UNKL: variants seen among roughly 807,000 people sequenced by gnomAD.
UNKL encodes the protein putative E3 ubiquitin-protein ligase UNKL.
In UNKL, 60 loss-of-function variants were observed where a neutral mutation model predicts 78.0. The ratio of observed to expected loss-of-function variants is 0.77; its 90% CI spans 0.63 to 0.95. UNKL has a LOEUF of 0.95. Among genes scored for constraint, UNKL ranks in the 40% least tolerant of loss-of-function variants. The probability of loss-of-function intolerance (pLI) is 0.00; values close to 1 mark genes in which losing one functional copy is unlikely to be tolerated. For missense variants in UNKL, 1,159 were observed against 1,045.7 expected (o/e 1.11, Z -1.49); for synonymous variants, 608 against 474.8 (o/e 1.28, Z -3.65).
At chr16:1,385,688 T>C (rs1412110700) in intron 9 of UNKL, among the ~76,000 whole-genome samples, 2 of 152,220 alleles carry the variant, frequency 1.3e-5, no homozygotes, top group African/African-American at 4.8e-5. Flanking sequence ...ATCTGGCACG[T>C]GCAGAAAGAT....
At chr16:1,410,634 G>C (rs1435980474) in intron 2 of UNKL, among the ~76,000 whole-genome samples, 1 of 152,168 alleles carries the variant, frequency 6.6e-6, no homozygotes. Context: ...CTGGAGTGGG[G>C]TCAGACAGGC....
rs1173647505 is a variant in UNKL at position 1,403,602 on chromosome 16, C to T, written c.288-258G>A. On this transcript the variant is annotated intron_variant, in intron 2 of 14. Coordinates refer to ENST00000389221, the MANE Select transcript of UNKL (RefSeq NM_001372107.1). This position sits in a 1 kb window ranked among gnomAD's most constrained non-coding sequence, Gnocchi z 4.8. ...TAAGAAACACAGACCATCGCAAACC[C>T]CCAGTCAGCCAAACACAGCAGGAAA... Among the ~76,000 whole-genome samples the T allele has an allele frequency of 1.3e-5, 2 of 152,188 alleles. No homozygotes were observed. Among genetic ancestry groups the T allele is most frequent in the Non-Finnish European group, 2.9e-5 (2 of 68,050 alleles).
chr16:1,380,076 C>T (rs945075715), intron 10 of UNKL, among the ~76,000 whole-genome samples: 1 of 152,194 alleles, frequency 6.6e-6, no homozygotes, highest in Non-Finnish European at 1.5e-5. Context: ...CCTGCCCAGC[C>T]CCATCTAAAC....
At chr16:1,408,101 G>C (rs1028454295) in intron 2 of UNKL, among the ~76,000 whole-genome samples, 1 of 152,150 alleles carries the variant, frequency 6.6e-6, no homozygotes, top group Non-Finnish European at 1.5e-5. Context: ...CCAGACCCTG[G>C]CTCAAAAGAA....
chr16:1,413,833 C>T lies in UNKL; in HGVS notation c.287+13G>A. On this transcript the variant is annotated intron_variant, in intron 2 of 14. Transcript: ENST00000389221. ...CTCCGCCCAGGCAGCGGCGCCCCCTCGCGGCCGCTTACTCGTCGCCGTCGG... is the reference window on the plus strand; with the variant it reads ...CTCCGCCCAGGCAGCGGCGCCCCCTTGCGGCCGCTTACTCGTCGCCGTCGG... The T allele has an allele frequency of 6.6e-7, 1 of 1,512,816 alleles. No homozygotes were observed. The highest frequency in any genetic ancestry group is 8.9e-7 in the Non-Finnish European group (1 of 1,124,010). 93.7% of individuals were successfully genotyped at this position (1,512,816 alleles called of 1,614,324 possible).
At chr16:1,372,189 C>T (rs993541901) in intron 10 of UNKL, among the ~76,000 whole-genome samples, 5 of 152,026 alleles carry the variant, frequency 3.3e-5, no homozygotes, top group African/African-American at 9.6e-5. Context: ...GTGTGAACCC[C>T]AGAGGCGGAG....
At position 1,371,589 on chromosome 16, in the gene UNKL, A is replaced by G. The variant is rs772785250; in HGVS notation, c.1287T>C (p.Leu429=). The G allele has an allele frequency of 6.5e-7, 1 of 1,536,160 alleles. No individual in the cohort carries two copies. Among genetic ancestry groups the G allele is most frequent in the South Asian group, 1.2e-5 (1 of 84,062 alleles). Residue 429 remains leucine (L), a synonymous_variant, in exon 11 of 15, where the codon CTT becomes CTC. Transcript: ENST00000389221. The stretch of plus-strand genomic sequence containing the variant: ...CTAGGGATGCAATATTCACATTGCT[A>G]AGATGCAGGTCTAACGCAGAACCTG... The part of the protein sequence containing the change: ...AVLGSALDLH[L]SNVNIASLEK...
Position 1,366,212 on chromosome 16 carries a change from C to G in UNKL, c.*28G>C. 6.7e-7 allele frequency: 1 copy of G among 1,489,450 alleles called. No individual in the cohort carries two copies. Among genetic ancestry groups the G allele is most frequent in the Non-Finnish European group, 9.0e-7 (1 of 1,111,080 alleles). The allele number at this position is 1,489,450 out of a possible 1,614,324, so 92.3% of individuals were successfully genotyped here. Reference sequence around the variant, plus strand: ...GGAGGAGCGCTGGAGCCAGGGTGCCCAGCAGGAGGTGGCTGTCCCCGCTGA... The same window carrying G: ...GGAGGAGCGCTGGAGCCAGGGTGCCGAGCAGGAGGTGGCTGTCCCCGCTGA... On this transcript the variant is annotated 3_prime_UTR_variant, in exon 15 of 15. Transcript: ENST00000389221.
intron 4 of UNKL, 197 bp downstream of exon 4, chr16:1,401,371 A>G: frequency 1.8e-6 from 1 of 558,382 alleles, no homozygotes. Context: ...GTGCGGGGGA[A>G]GGCGCCTGGG....
Position 1,363,218 on chromosome 16 carries a change from TTTAA to T in UNKL, c.*3018_*3021del, listed in dbSNP as rs1443660456. On this transcript the variant is annotated 3_prime_UTR_variant, in exon 15 of 15. Coordinates refer to ENST00000389221, the MANE Select transcript of UNKL (RefSeq NM_001372107.1). ...AGCAGACAAAACAAAGATTCAAGGTTTTAATTAATTCCCATACTGATAAAAATAA... is the reference window on the plus strand; with the variant it reads ...AGCAGACAAAACAAAGATTCAAGGTTTTAATTCCCATACTGATAAAAATAA... The T allele has an allele frequency of 7.7e-6, 6 of 782,214 alleles. No individual in the cohort carries two copies. In the East Asian group the frequency reaches 8.0e-5, roughly 10 times the overall value. The allele number at this position is 782,214 out of a possible 1,614,324, so 48.5% of individuals were successfully genotyped here. A position where few individuals can be genotyped will look rare whatever the true frequency, so the allele number is the denominator to read the frequency against.
chr16:1,395,855 C>T (rs2037237265), intron 6 of UNKL: 2 of 432,258 alleles, frequency 4.6e-6, no homozygotes, highest in Non-Finnish European at 9.6e-6. Flanking sequence ...ACCCAGAAAG[C>T]ATGATGCGCG....
chr16:1,406,783 T>C (rs1190715580), intron 2 of UNKL, among the ~76,000 whole-genome samples: 3 of 152,050 alleles, frequency 2.0e-5, no homozygotes, highest in Non-Finnish European at 4.4e-5. Flanking sequence ...ACCTACGCCT[T>C]AGGTCCTAAG....
At chr16:1,385,696 G>T (rs1006382628) in intron 9 of UNKL, among the ~76,000 whole-genome samples, 2 of 152,232 alleles carry the variant, frequency 1.3e-5, no homozygotes, top group African/African-American at 2.4e-5. Flanking sequence ...CGTGCAGAAA[G>T]ATGTGTCAGC....
At chr16:1,370,034 A>G (rs758781419) in intron 12 of UNKL, 96 bp downstream of exon 12, 19 of 1,551,122 alleles carry the variant, frequency 1.2e-5, no homozygotes, top group Non-Finnish European at 1.7e-5. Context: ...ATAGGGCACA[A>G]GGTTCCGTGT....
intron 14 of UNKL, 91 bp from the exon 15 acceptor site, chr16:1,366,486 A>G: frequency 7.1e-7 from 1 of 1,415,688 alleles, no homozygotes; most frequent in Non-Finnish European, 9.3e-7. Context: ...AGGACTCAGC[A>G]TCTCAGGCCG....
rs56093103 is a variant in UNKL, at chr16:1,400,417, CAAAAAAAAAAAAAAAAAAA to C, written c.599-927_599-909del. On this transcript the variant is annotated intron_variant, in intron 4 of 14. Coordinates refer to ENST00000389221, the MANE Select transcript of UNKL (RefSeq NM_001372107.1). ...TGGGTGACAGAGCGAGACTCCATCT[CAAAAAAAAAAAAAAAAAAA>C]AAAAAAAAAAAAAAAAAAATCGCTG... Among the ~76,000 whole-genome samples the C allele has an allele frequency of 2.1e-3, 65 of 30,796 alleles. No individual in the cohort carries two copies. In the South Asian group the frequency reaches 0.042, roughly 20 times the overall value. The allele number at this position is 30,796 out of a possible 152,430, so 20.2% of individuals were successfully genotyped here.
chr16:1,404,767 T>C (rs2037673286), intron 2 of UNKL, among the ~76,000 whole-genome samples: 1 of 151,838 alleles, frequency 6.6e-6, no homozygotes, highest in Non-Finnish European at 1.5e-5. Context: ...CCACACAACA[T>C]GGTTAATGCG....
intron 2 of UNKL, chr16:1,408,755 G>C (rs1029459789): frequency 5.9e-5 from 9 of 152,472 alleles, no homozygotes; most frequent in African/African-American, 2.2e-4. Context: ...GACGCCAGCA[G>C]CGGGGGGCCC....
Position 1,381,641 on chromosome 16 carries a change from C to T in UNKL, c.1264+3567G>A, listed in dbSNP as rs568967176. On this transcript the variant is annotated intron_variant, in intron 10 of 14. Transcript: ENST00000389221. ...AAAGAACCTGCTCAGAGGCCAGACC[C>T]TCATGGAGCTTTAGCCACTGTGTAG... 1.4e-4 allele frequency among the ~76,000 whole-genome samples: 22 copies of T among 152,302 alleles called. 1 individual carries two copies. In the South Asian group the frequency reaches 4.4e-3, roughly 30 times the overall value.
Sources: gnomAD v4.1 joint callset for allele counts (sites outside exome capture counted in the v4.1 genomes callset) on GRCh38, gnomAD v4.1.1 for gene constraint, Gnocchi (gnomAD v3.1) non-coding constraint, MANE v1.5 for transcripts, NCBI Gene and HGNC (gene_info 2026-07-23, HGNC 2026-07-21) for gene names.